WDFY4: variants seen among roughly 807,000 people sequenced by gnomAD.
The protein encoded by WDFY4 is WDFY family member 4.
In WDFY4, 169 loss-of-function variants were observed where a neutral mutation model predicts 351.9. The ratio of observed to expected loss-of-function variants is 0.48; its 90% confidence interval spans 0.42 to 0.55. The LOEUF is 0.55. Ranked by LOEUF, WDFY4 falls within the 20% of genes least tolerant of loss-of-function variation. The pLI is 0.00. For missense variants in WDFY4, 3,803 were observed against 3,935.6 expected (o/e 0.97, Z 0.90); for synonymous variants, 1,622 against 1,574.6 (o/e 1.03, Z -0.71).
intron 31 of WDFY4, among the ~76,000 whole-genome samples, chr10:48,814,894 G>A (rs1427869421): frequency 1.3e-5 from 2 of 152,160 alleles, no homozygotes; most frequent in African/African-American, 4.8e-5. Context: ...GAGACCACAT[G>A]TACCCCTTTT....
intron 40 of WDFY4, among the ~76,000 whole-genome samples, chr10:48,873,227 C>A (rs2069853597): frequency 6.6e-6 from 1 of 152,212 alleles, no homozygotes; most frequent in Admixed American, 6.5e-5. Context: ...CTGTCCATCA[C>A]CAGTAGCCTC....
chr10:48,720,266 A>G (rs1342102160), intron 3 of WDFY4, 141 bp downstream of exon 3: 14 of 845,048 alleles, frequency 1.7e-5, no homozygotes, highest in Non-Finnish European at 2.5e-5. Context: ...CCACTCTGCC[A>G]CTGAGTGCCT....
At chr10:48,936,300 T>G (rs1589946085) in intron 47 of WDFY4, among the ~76,000 whole-genome samples, 1 of 152,178 alleles carries the variant, frequency 6.6e-6, no homozygotes, top group East Asian at 1.9e-4. Context: ...AATACATAAT[T>G]TAATGTAGAC....
chr10:48,715,792 A>T (rs978391649), intron 2 of WDFY4, among the ~76,000 whole-genome samples: 4 of 141,612 alleles, frequency 2.8e-5, no homozygotes, highest in African/African-American at 1.1e-4. Context: ...CTCCTGGCTA[A>T]TTTTTCTTTT....
chr10:48,922,991 G>A (rs1839229200), intron 47 of WDFY4, among the ~76,000 whole-genome samples: 1 of 152,184 alleles, frequency 6.6e-6, no homozygotes, highest in Non-Finnish European at 1.5e-5. Flanking sequence ...TACATCTGTT[G>A]AAGCTTAGAG....
chr10:48,771,209 T>C (rs2065854450), intron 13 of WDFY4, among the ~76,000 whole-genome samples: 1 of 152,218 alleles, frequency 6.6e-6, no homozygotes, highest in African/African-American at 2.4e-5. Flanking sequence ...TCATACATTT[T>C]AATCCTTGAA....
At chr10:48,741,104 T>C (rs1453535397) in intron 11 of WDFY4, among the ~76,000 whole-genome samples, 1 of 151,624 alleles carries the variant, frequency 6.6e-6, no homozygotes, top group Non-Finnish European at 1.5e-5. Flanking sequence ...TATCCTTGGC[T>C]GCTGTTTCTC....
At chr10:48,942,295 T>G (rs542568116) in intron 48 of WDFY4, among the ~76,000 whole-genome samples, 45 of 152,322 alleles carry the variant, frequency 3.0e-4, no homozygotes, top group African/African-American at 9.6e-4. Flanking sequence ...TACCAAAATG[T>G]CTCAGACATT....
At chr10:48,909,639 G>A (rs1197783754) in intron 47 of WDFY4, 1 of 152,232 alleles carries the variant, frequency 6.6e-6, no homozygotes, top group Non-Finnish European at 1.5e-5. Context: ...GAGAGAGAGA[G>A]GAGAGGGAGG....
chr10:48,931,664 G>T (rs933965513), intron 47 of WDFY4, among the ~76,000 whole-genome samples: 4 of 152,222 alleles, frequency 2.6e-5, no homozygotes, highest in African/African-American at 9.6e-5. Flanking sequence ...CTCATTGCTT[G>T]CATGGAAGGC....
intron 47 of WDFY4, among the ~76,000 whole-genome samples, chr10:48,910,469 G>C (rs1362742908): frequency 6.6e-6 from 1 of 152,192 alleles, no homozygotes; most frequent in Non-Finnish European, 1.5e-5. Context: ...TTTCCAAGGA[G>C]TAAAGGTGAC....
At chr10:48,794,368 C>T (rs10857646) in intron 23 of WDFY4, among the ~76,000 whole-genome samples, 24,055 of 151,876 alleles carry the variant, frequency 0.16, 2,761 homozygotes, top group African/African-American at 0.32. Context: ...TCCAGCAGGC[C>T]GCCGACAGGA....
intron 26 of WDFY4, 137 bp from the exon 27 acceptor site, chr10:48,805,867 C>A: frequency 2.7e-6 from 2 of 741,852 alleles, no homozygotes; most frequent in Non-Finnish European, 2.4e-6. Flanking sequence ...TGGAAATACA[C>A]AGCATGCCAT....
At chr10:48,688,250 AAGAGCCTCCCC>A (rs1299876883) in intron 1 of WDFY4, among the ~76,000 whole-genome samples, 1 of 152,238 alleles carries the variant, frequency 6.6e-6, no homozygotes, top group Admixed American at 6.5e-5. Context: ...GGTATCTGGA[AAGAGCCTCCCC>A]ATTCTTTTCT....
rs767734227 is a variant in WDFY4 at position 48,790,623 on chromosome 10, G to C, written c.4067-104G>C. On this transcript the variant is annotated intron_variant, in intron 22 of 61. Coordinates refer to ENST00000325239, the MANE Select transcript of WDFY4 (RefSeq NM_001394531.1). ...GCACAGGTCCCTCTGGCTGTGGATGGATGGTGGCACTGGTAGCTCATTGGT... is the reference window on the plus strand; with the variant it reads ...GCACAGGTCCCTCTGGCTGTGGATGCATGGTGGCACTGGTAGCTCATTGGT... 9.0e-5 allele frequency: 119 copies of C among 1,316,034 alleles called. 2 individuals carry two copies. Among genetic ancestry groups the C allele is most frequent in the Non-Finnish European group, 1.7e-5 (16 of 960,864 alleles). 81.5% of individuals were successfully genotyped at this position (1,316,034 alleles called of 1,614,324 possible). A position where few individuals can be genotyped will look rare whatever the true frequency, so the allele number is the denominator to read the frequency against.
In WDFY4 at chr10:48,731,223, T is replaced by A. The variant is rs746538054; in HGVS notation, c.1243T>A (p.Trp415Arg). Residue 415 changes from tryptophan to arginine, a missense_variant, in exon 9 of 62, where the codon TGG becomes AGG. Transcript: ENST00000325239. ...GTCAGTCATCAGGACCATGTGGGCC[T>A]GGAATGCTCGAAACTTCTTCCTGCT... ...VLSVIRTMWA[W>R]NARNFFLLEW... 6.4e-6 allele frequency: 10 copies of A among 1,551,892 alleles called. No individual in the cohort carries two copies. The East Asian group carries it at 7.3e-5, about 11-fold the overall frequency.
chr10:48,830,106 G>A (rs1480572705), intron 37 of WDFY4, among the ~76,000 whole-genome samples: 1 of 152,160 alleles, frequency 6.6e-6, no homozygotes, highest in Non-Finnish European at 1.5e-5. Context: ...CATGGTTCAG[G>A]GGATTACAGA....
At chr10:48,817,445 T>C in intron 32 of WDFY4, 36 bp downstream of exon 32, 2 of 1,518,194 alleles carry the variant, frequency 1.3e-6, no homozygotes, top group Non-Finnish European at 1.8e-6. Flanking sequence ...GAGAGAGCAG[T>C]TGTGAGCATC....
chr10:48,787,891 C>CTT lies in WDFY4; in HGVS notation c.3809-638_3809-637insTT, dbSNP rs1334393471. ...TCTTTCTTCTTTCTTTCTTCTTCTT[C>CTT]TCCTTCTTCTTCTTCTTCTTCTTCT... On this transcript the variant is annotated intron_variant, in intron 20 of 61. Transcript: ENST00000325239. 3.4e-4 allele frequency among the ~76,000 whole-genome samples: 23 copies of CTT among 66,800 alleles called. 1 individual carries two copies. Among genetic ancestry groups the CTT allele is most frequent in the East Asian group, 2.3e-3 (4 of 1,714 alleles). The allele number at this position is 66,800 out of a possible 152,430, so 43.8% of individuals were successfully genotyped here.
Sources: allele counts gnomAD v4.1 joint callset (sites outside exome capture counted in the v4.1 genomes callset), GRCh38; gene constraint gnomAD v4.1.1; transcripts MANE v1.5; gene names NCBI Gene and HGNC (gene_info 2026-07-23, HGNC 2026-07-21).